Variants in ASAP2 observed in about 807,000 individuals in gnomAD.
ASAP2 encodes the protein arf-GAP with SH3 domain, ANK repeat and PH domain-containing protein 2.
ASAP2 carries 45 observed loss-of-function variants against 131.4 expected under a neutral mutation model. The observed-to-expected ratio is 0.34, with a 90% CI of 0.27 to 0.44. ASAP2 has a LOEUF of 0.44. Among genes scored for constraint, ASAP2 ranks in the 20% least tolerant of loss-of-function variants. ASAP2 has a pLI of 1.00. For missense variants in ASAP2, 1,011 were observed against 1,297.0 expected (o/e 0.78, Z 3.39); for synonymous variants, 510 against 503.0 (o/e 1.01, Z -0.19).
intron 1 of ASAP2, chr2:9,271,393 C>G (rs1187237768): frequency 2.0e-5 from 28 of 1,404,542 alleles, no homozygotes; most frequent in Non-Finnish European, 2.7e-5. Context: ...AATTACTTCT[C>G]CATATTCTGG....
intron 1 of ASAP2, among the ~76,000 whole-genome samples, chr2:9,212,060 A>G (rs1661597751): frequency 6.6e-6 from 1 of 152,008 alleles, no homozygotes. Flanking sequence ...TGAATGCTGA[A>G]TTCAGTTTCT....
intron 1 of ASAP2, among the ~76,000 whole-genome samples, chr2:9,241,389 T>C (rs1663955540): frequency 6.6e-6 from 1 of 152,204 alleles, no homozygotes; most frequent in Non-Finnish European, 1.5e-5. Context: ...CATGCTAAAC[T>C]GGTGCGATTA....
At position 9,334,799 on chromosome 2, in the gene ASAP2, A is replaced by G; in HGVS notation, c.748A>G (p.Thr250Ala). ...SLKPSIETLS[T>A]DLHTIKQAQD... ...CAAACCTTCCATTGAAACGCTGTCT[A>G]CGGATCTTCACACGGTGAGTAGCTT... Residue 250 changes from threonine to alanine, a missense_variant, in exon 8 of 28, where the codon ACG (threonine) becomes GCG (alanine). Physicochemically the swap from Thr to Ala is moderately conservative, Grantham distance 58 (BLOSUM62 0). Coordinates refer to ENST00000281419, the MANE Select transcript of ASAP2 (RefSeq NM_003887.3). The G allele has an allele frequency of 6.2e-7, 1 of 1,613,994 alleles. No homozygotes were observed. Among genetic ancestry groups the G allele is most frequent in the Non-Finnish European group, 8.5e-7 (1 of 1,179,880 alleles).
At chr2:9,213,646 G>A (rs1661771225) in intron 1 of ASAP2, among the ~76,000 whole-genome samples, 1 of 152,092 alleles carries the variant, frequency 6.6e-6, no homozygotes, top group South Asian at 2.1e-4. Flanking sequence ...CCTGATTGAG[G>A]TCCATTGTAC....
chr2:9,348,839 G>C (rs1672148196), intron 11 of ASAP2, among the ~76,000 whole-genome samples: 1 of 152,196 alleles, frequency 6.6e-6, no homozygotes, highest in African/African-American at 2.4e-5. Context: ...AGAATGAGTT[G>C]TAGTAATTTA....
At position 9,368,990 on chromosome 2, in the gene ASAP2, T is replaced by C. The variant is rs10929577; in HGVS notation, c.1556+471T>C. ...TCAAAAAATGTTTGTGTTTGTGTTA[T>C]TGTTGATACACAACTTGACGGAGAA... On this transcript the variant is annotated intron_variant, in intron 16 of 27. Coordinates refer to ENST00000281419, the MANE Select transcript of ASAP2 (RefSeq NM_003887.3). 1.7e-3 allele frequency among the ~76,000 whole-genome samples: 262 copies of C among 152,240 alleles called. 9 individuals carry two copies. In the East Asian group the frequency reaches 0.045, roughly 26 times the overall value.
chr2:9,258,244 C>A (rs1449369155), intron 1 of ASAP2, among the ~76,000 whole-genome samples: 120 of 129,586 alleles, frequency 9.3e-4, no homozygotes, highest in East Asian at 9.7e-4. Context: ...TACTTCATCT[C>A]AAAAAAAAAA....
intron 24 of ASAP2, among the ~76,000 whole-genome samples, chr2:9,395,809 G>A (rs924608168): frequency 5.9e-5 from 9 of 151,370 alleles, no homozygotes; most frequent in African/African-American, 1.7e-4. Flanking sequence ...GGGTTTCACC[G>A]GGTTAGCCAG....
At chr2:9,230,505 A>G (rs1449464748) in intron 1 of ASAP2, among the ~76,000 whole-genome samples, 4 of 152,188 alleles carry the variant, frequency 2.6e-5, no homozygotes, top group African/African-American at 7.2e-5. Flanking sequence ...GGTCAGCCCC[A>G]CAGCTGGACT....
chr2:9,379,032 C>T lies in ASAP2; in HGVS notation c.1921C>T (p.Leu641=), dbSNP rs1674622595. Residue 641 remains leucine (L), a synonymous_variant, in exon 19 of 28, where the codon CTG becomes TTG. Coordinates refer to ENST00000281419, the MANE Select transcript of ASAP2 (RefSeq NM_003887.3). ...CAATGCCGAGTGCCTCAAGTTGCTC[C>T]TGCGGGGGAAGGCCTCCATCGAGAT... The part of the protein sequence containing the change: ...TDNAECLKLL[L]RGKASIEIAN... The T allele has an allele frequency of 6.3e-7, 1 of 1,576,402 alleles. No individual in the cohort carries two copies. Among genetic ancestry groups the T allele is most frequent in the Non-Finnish European group, 8.6e-7 (1 of 1,160,550 alleles).
chr2:9,316,964 C>CA (rs1369537324), intron 3 of ASAP2, among the ~76,000 whole-genome samples: 6 of 120,574 alleles, frequency 5.0e-5, no homozygotes, highest in Admixed American at 4.7e-4. Flanking sequence ...CTCCCACACA[C>CA]CCCCCGTCAC....
At chr2:9,282,669 A>G (rs1667201738) in intron 2 of ASAP2, among the ~76,000 whole-genome samples, 1 of 152,214 alleles carries the variant, frequency 6.6e-6, no homozygotes, top group Admixed American at 6.5e-5. Flanking sequence ...ACCAAAGGCA[A>G]TTCCTGTATA....
At chr2:9,328,182 C>T (rs530502677) in intron 7 of ASAP2, among the ~76,000 whole-genome samples, 13 of 152,080 alleles carry the variant, frequency 8.5e-5, no homozygotes, top group Admixed American at 2.0e-4. Context: ...GAGTGATTGC[C>T]GCAGCTTGGA....
chr2:9,348,080 G>A (rs1000928099), intron 11 of ASAP2, among the ~76,000 whole-genome samples: 16 of 152,244 alleles, frequency 1.1e-4, no homozygotes, highest in East Asian at 3.9e-4. Context: ...AGATGAAACC[G>A]TTCTGTATCT....
At chr2:9,394,749 G>A (rs1036142367) in intron 24 of ASAP2, among the ~76,000 whole-genome samples, 1 of 152,204 alleles carries the variant, frequency 6.6e-6, no homozygotes, top group East Asian at 1.9e-4. Flanking sequence ...CAGACATGAG[G>A]CACAGCCAGT....
chr2:9,305,458 T>G (rs112318965), intron 3 of ASAP2, among the ~76,000 whole-genome samples: 2,361 of 14,924 alleles, frequency 0.16, 5 homozygotes, highest in Middle Eastern at 0.34. Context: ...GATATTGGTG[T>G]AGAGGCTGTA....
chr2:9,404,489 G>A lies in ASAP2; in HGVS notation c.*1162G>A, dbSNP rs1251493408. ...TCTATTATAAAACCAAAACTCATTC[G>A]TTTAATGAACTTGACTGTCATACCT... On this transcript the variant is annotated 3_prime_UTR_variant, in exon 28 of 28. Coordinates refer to ENST00000281419, the MANE Select transcript of ASAP2 (RefSeq NM_003887.3). The A allele has an allele frequency of 6.6e-6, 1 of 152,182 alleles. No individual in the cohort carries two copies. The highest frequency in any genetic ancestry group is 2.4e-5 in the African/African-American group (1 of 41,434). 9.4% of individuals were successfully genotyped at this position (152,182 alleles called of 1,614,324 possible).
intron 25 of ASAP2, 56 bp from the exon 26 acceptor site, chr2:9,400,686 C>A: frequency 6.8e-7 from 1 of 1,468,608 alleles, no homozygotes; most frequent in Non-Finnish European, 9.5e-7. Flanking sequence ...ACATTGTTTA[C>A]ATCTCATGGC....
At chr2:9,292,385 G>A (rs1174807716) in intron 2 of ASAP2, among the ~76,000 whole-genome samples, 2 of 152,254 alleles carry the variant, frequency 1.3e-5, no homozygotes, top group Non-Finnish European at 2.9e-5. Context: ...AGAAGTGGTG[G>A]TGTGCGCCTG....
Sources: gnomAD v4.1 joint callset for allele counts (sites outside exome capture counted in the v4.1 genomes callset) on GRCh38, gnomAD v4.1.1 for gene constraint, MANE v1.5 for transcripts, NCBI Gene and HGNC (gene_info 2026-07-23, HGNC 2026-07-21) for gene names.